PDLIM3: variants seen among roughly 807,000 people sequenced by gnomAD.
The protein encoded by PDLIM3 is PDZ and LIM domain protein 3.
PDLIM3 carries 36 observed loss-of-function variants against 37.3 expected under a neutral mutation model. That is an observed-to-expected ratio of 0.97 (90% CI 0.74 to 1.28). PDLIM3 has a LOEUF of 1.28. Ranked by LOEUF, PDLIM3 falls within the 50% of genes most tolerant of loss-of-function variation. The pLI is 0.00. For missense variants in PDLIM3, 454 were observed against 485.0 expected (o/e 0.94, Z 0.60); for synonymous variants, 174 against 182.4 (o/e 0.95, Z 0.37).
chr4:185,512,955 G>T lies in PDLIM3; in HGVS notation c.398+1315C>A, dbSNP rs560251234. 1.2e-5 allele frequency: 12 copies of T among 985,460 alleles called. No homozygotes were observed. In the South Asian group the frequency reaches 4.2e-4, roughly 35 times the overall value. 61.0% of individuals were successfully genotyped at this position (985,460 alleles called of 1,614,324 possible). ...GAGGACACAGAGCTGCCAGCATCGG[G>T]AGCGAGACGGCTCTGGACTCTTCTT... On this transcript the variant is annotated intron_variant, in intron 4 of 7. Transcript: ENST00000284767.
chr4:185,503,465 A>G (rs922555747), intron 7 of PDLIM3, among the ~76,000 whole-genome samples: 20 of 152,152 alleles, frequency 1.3e-4, no homozygotes, highest in Non-Finnish European at 2.9e-5. Flanking sequence ...TGCCCTAACC[A>G]GGCTTATCCC....
In PDLIM3 at chr4:185,514,371, G is replaced by A; in HGVS notation, c.331-34C>T. On this transcript the variant is annotated intron_variant, in intron 3 of 7. Coordinates refer to ENST00000284767, the MANE Select transcript of PDLIM3 (RefSeq NM_014476.6). This position sits in a 1 kb window ranked among gnomAD's most constrained non-coding sequence, Gnocchi z 4.0. The stretch of plus-strand genomic sequence containing the variant: ...ACAAAGCGTTAAAAAGGCCCTCAGT[G>A]GAAGGCGGACACTGTTGCAGATAAG... 1 of 1,614,190 alleles carries A rather than the reference G, an allele frequency of 6.2e-7. No homozygotes were observed. Among genetic ancestry groups the A allele is most frequent in the Non-Finnish European group, 8.5e-7 (1 of 1,180,032 alleles).
At chr4:185,529,530 A>T (rs1369748024) in intron 1 of PDLIM3, among the ~76,000 whole-genome samples, 1 of 152,200 alleles carries the variant, frequency 6.6e-6, no homozygotes, top group East Asian at 1.9e-4. Flanking sequence ...TTCATTCTCC[A>T]TCCCTAGCAA....
chr4:185,525,719 T>G (rs2095732758), intron 1 of PDLIM3, among the ~76,000 whole-genome samples: 1 of 152,106 alleles, frequency 6.6e-6, no homozygotes, highest in Admixed American at 6.5e-5. Flanking sequence ...AGGTCAGAAG[T>G]GAGGAGCCCT....
chr4:185,514,194 T>TCCA lies in PDLIM3; in HGVS notation c.398+75_398+76insTGG. 3 of 1,613,772 alleles carry TCCA rather than the reference T, an allele frequency of 1.9e-6. No individual in the cohort carries two copies. The South Asian group carries it at 3.3e-5, about 18-fold the overall frequency. ...AAAAGCCACTCCAAACATCTACCAG[T>TCCA]TACTTTTCTTGATGATTAGTAAGAA... On this transcript the variant is annotated intron_variant, in intron 4 of 7. Coordinates refer to ENST00000284767, the MANE Select transcript of PDLIM3 (RefSeq NM_014476.6). The surrounding 1 kb of genome is among the most constrained non-coding windows in gnomAD (Gnocchi z 4.0).
At chr4:185,531,957 G>A (rs1178138020) in intron 1 of PDLIM3, among the ~76,000 whole-genome samples, 1 of 145,926 alleles carries the variant, frequency 6.9e-6, no homozygotes, top group Non-Finnish European at 1.5e-5. Flanking sequence ...AATTAGCTGG[G>A]TATGGTGGCG....
intron 4 of PDLIM3, chr4:185,511,979 C>T (rs1419766988): frequency 1.3e-5 from 2 of 151,928 alleles, no homozygotes; most frequent in Non-Finnish European, 2.9e-5. Context: ...TGCAGCCACT[C>T]ACAATTCCAC....
intron 5 of PDLIM3, 22 bp downstream of exon 5, chr4:185,508,277 G>A: frequency 2.5e-6 from 4 of 1,611,866 alleles, no homozygotes; most frequent in Non-Finnish European, 3.4e-6. Flanking sequence ...ATATGCCCAT[G>A]GTTCAAAGAG....
rs759790199 is a variant in PDLIM3 at position 185,502,249 on chromosome 4, G to C, written c.*45C>G. Reference sequence around the variant, plus strand: ...AAGCCATGAATGTCTTCTCGTGTAAGTGCGCGTGGGTGGGTGCGTGCGTGC... The same window carrying C: ...AAGCCATGAATGTCTTCTCGTGTAACTGCGCGTGGGTGGGTGCGTGCGTGC... On this transcript the variant is annotated 3_prime_UTR_variant, in exon 8 of 8. Coordinates refer to ENST00000284767, the MANE Select transcript of PDLIM3 (RefSeq NM_014476.6). The C allele has an allele frequency of 2.2e-5, 34 of 1,579,882 alleles. No individual in the cohort carries two copies. The highest frequency in any genetic ancestry group is 3.0e-5 in the Non-Finnish European group (34 of 1,149,210).
At chr4:185,527,507 G>T (rs1434726044) in intron 1 of PDLIM3, among the ~76,000 whole-genome samples, 4 of 152,146 alleles carry the variant, frequency 2.6e-5, no homozygotes, top group African/African-American at 9.7e-5. Context: ...TGATTTCCCA[G>T]TAGGAACAGT....
chr4:185,504,104 G>A lies in PDLIM3; in HGVS notation c.905+371C>T, dbSNP rs1466601523. Among the ~76,000 whole-genome samples, 1 of 152,122 alleles carries A rather than the reference G, an allele frequency of 6.6e-6. No individual in the cohort carries two copies. Among genetic ancestry groups the A allele is most frequent in the African/African-American group, 2.4e-5 (1 of 41,414 alleles). On this transcript the variant is annotated intron_variant, in intron 7 of 7. Coordinates refer to ENST00000284767, the MANE Select transcript of PDLIM3 (RefSeq NM_014476.6). This position sits in a 1 kb window ranked among gnomAD's most constrained non-coding sequence, Gnocchi z 4.7. Reference sequence around the variant, plus strand: ...GTGTTTATACAGAGGAGGATACTATGTATACTAAATGTATACACAGTTCAT... The same window carrying A: ...GTGTTTATACAGAGGAGGATACTATATATACTAAATGTATACACAGTTCAT...
At chr4:185,513,393 G>A (rs888919676) in intron 4 of PDLIM3, 83 of 976,786 alleles carry the variant, frequency 8.5e-5, no homozygotes, top group Non-Finnish European at 9.9e-5. Flanking sequence ...TCATAAGCTC[G>A]GGTGTCTAGA....
intron 4 of PDLIM3, chr4:185,513,517 C>CTTTT: frequency 1.2e-6 from 1 of 807,348 alleles, no homozygotes; most frequent in African/African-American, 1.9e-5. Context: ...CACTTAAATT[C>CTTTT]TTTTTTTTTT....
intron 1 of PDLIM3, 39 bp downstream of exon 1, chr4:185,535,303 T>A: frequency 6.5e-7 from 1 of 1,547,826 alleles, no homozygotes; most frequent in African/African-American, 1.4e-5. Flanking sequence ...GCCGCCGGAG[T>A]CCCCACCTCG....
intron 3 of PDLIM3, chr4:185,516,481 G>C (rs1371141074): frequency 6.6e-6 from 1 of 152,108 alleles, no homozygotes; most frequent in African/African-American, 2.4e-5. Context: ...ACAAAAAGAA[G>C]AAAAAGGAGG....
chr4:185,522,072 C>T lies in PDLIM3; in HGVS notation c.330+1290G>A, dbSNP rs555371243. ...CTCATTTCCTCTAAAGATTACATTA[C>T]TCAGGATCCTTCTTCTCCAGGAGAG... On this transcript the variant is annotated intron_variant, in intron 3 of 7. Transcript: ENST00000284767. 3.0e-5 allele frequency among the ~76,000 whole-genome samples: 2 copies of T among 66,920 alleles called. 1 individual carries two copies. The highest frequency in any genetic ancestry group is 5.4e-5 in the African/African-American group (2 of 36,770). 43.9% of individuals were successfully genotyped at this position (66,920 alleles called of 152,430 possible).
At chr4:185,523,332 A>G (rs2095725903) in intron 3 of PDLIM3, 30 bp downstream of exon 3, 2 of 1,449,322 alleles carry the variant, frequency 1.4e-6, no homozygotes, top group African/African-American at 2.8e-5. Context: ...AAGGAAATAC[A>G]ATGTGTATCA....
Position 185,532,986 on chromosome 4 carries a change from G to A in PDLIM3, c.93+2356C>T, listed in dbSNP as rs554443672. Among the ~76,000 whole-genome samples the A allele has an allele frequency of 2.0e-5, 3 of 152,268 alleles. No homozygotes were observed. In the South Asian group the frequency reaches 6.2e-4, roughly 32 times the overall value. ...GAACAGGTGTCCATTTTCACATGTG[G>A]CCTTCAGAATGCAGGCTTTGGAGGC... On this transcript the variant is annotated intron_variant, in intron 1 of 7. Transcript: ENST00000284767.
At chr4:185,522,980 T>A (rs1048431066) in intron 3 of PDLIM3, among the ~76,000 whole-genome samples, 4 of 152,242 alleles carry the variant, frequency 2.6e-5, no homozygotes, top group African/African-American at 9.7e-5. Context: ...AACCGTAGAT[T>A]GGAGACACCT....
Sources: allele counts gnomAD v4.1 joint callset (sites outside exome capture counted in the v4.1 genomes callset), GRCh38; gene constraint gnomAD v4.1.1; non-coding constraint Gnocchi (gnomAD v3.1); transcripts MANE v1.5; gene names NCBI Gene and HGNC (gene_info 2026-07-23, HGNC 2026-07-21).